Variants in KCNJ16 observed in about 807,000 individuals in gnomAD.
KCNJ16 encodes potassium inwardly rectifying channel subfamily J member 16, also known as inward rectifier potassium channel 16.
Under a neutral mutation model 18.5 loss-of-function variants are expected in KCNJ16, and 15 were observed. The ratio of observed to expected loss-of-function variants is 0.81; its 90% CI spans 0.54 to 1.25. The LOEUF is 1.25. Among genes scored for constraint, KCNJ16 ranks in the 50% most tolerant of loss-of-function variants. KCNJ16 has a pLI of 0.00. For missense variants in KCNJ16, 523 were observed against 525.7 expected (o/e 0.99, Z 0.05); for synonymous variants, 174 against 186.5 (o/e 0.93, Z 0.55).
chr17:70,102,857 C>T (rs571645243), intron 2 of KCNJ16, among the ~76,000 whole-genome samples: 1 of 152,210 alleles, frequency 6.6e-6, no homozygotes, highest in Non-Finnish European at 1.5e-5. Context: ...CATCACACTG[C>T]TAAATCCAAT....
chr17:70,131,910 A>C (rs1377489248), intron 3 of KCNJ16, 85 bp from the exon 4 acceptor site: 1 of 1,185,000 alleles, frequency 8.4e-7, no homozygotes, highest in Non-Finnish European at 1.2e-6. Context: ...TTTAGATGGT[A>C]TGACACTGCT....
intron 3 of KCNJ16, among the ~76,000 whole-genome samples, 178 bp downstream of exon 3, chr17:70,131,153 T>G (rs1035730661): frequency 6.7e-6 from 1 of 149,700 alleles, no homozygotes; most frequent in Non-Finnish European, 1.5e-5. Flanking sequence ...TGGCAAATTT[T>G]TGGGACTCTA....
intron 2 of KCNJ16, among the ~76,000 whole-genome samples, chr17:70,127,218 C>T (rs1030691296): frequency 6.6e-6 from 1 of 151,750 alleles, no homozygotes; most frequent in African/African-American, 2.4e-5. Flanking sequence ...TGTAGGACAC[C>T]CTGCTCTGGG....
intron 1 of KCNJ16, among the ~76,000 whole-genome samples, chr17:70,098,877 T>A (rs996969841): frequency 3.9e-5 from 6 of 152,178 alleles, no homozygotes; most frequent in African/African-American, 1.4e-4. Flanking sequence ...TAACATTTTT[T>A]AAAGACATTC....
At chr17:70,091,358 G>A (rs573894989) in intron 1 of KCNJ16, among the ~76,000 whole-genome samples, 1 of 152,218 alleles carries the variant, frequency 6.6e-6, no homozygotes, top group Non-Finnish European at 1.5e-5. Flanking sequence ...CTAACTTCCT[G>A]TGGACTACAA....
chr17:70,101,936 T>C (rs947170130), intron 2 of KCNJ16: 4 of 152,230 alleles, frequency 2.6e-5, no homozygotes, highest in Admixed American at 1.3e-4. Context: ...TTATATTTTC[T>C]ATAGTTTATG....
At chr17:70,103,296 G>GTGTGTGTATATATATA (rs1408960241) in intron 2 of KCNJ16, among the ~76,000 whole-genome samples, 1 of 72,050 alleles carries the variant, frequency 1.4e-5, no homozygotes, top group African/African-American at 4.4e-5. Context: ...ATGTGTGTGT[G>GTGTGTGTATATATATA]TATATATATA....
intron 1 of KCNJ16, among the ~76,000 whole-genome samples, chr17:70,077,330 T>C (rs1598073189): frequency 6.6e-6 from 1 of 152,180 alleles, no homozygotes; most frequent in African/African-American, 2.4e-5. Context: ...TGAGGAGTAT[T>C]GCGGATGACA....
chr17:70,126,085 T>TG (rs1303236409), intron 2 of KCNJ16, among the ~76,000 whole-genome samples: 1 of 152,040 alleles, frequency 6.6e-6, no homozygotes, highest in Non-Finnish European at 1.5e-5. Context: ...AAAAAAATCA[T>TG]GGGGGAGATG....
chr17:70,132,288 C>T lies in KCNJ16; in HGVS notation c.201C>T (p.Asp67=). The T allele has an allele frequency of 6.2e-7, 1 of 1,614,194 alleles. No homozygotes were observed. Among genetic ancestry groups the T allele is most frequent in the Non-Finnish European group, 8.5e-7 (1 of 1,180,022 alleles). The change falls in exon 4 of 4, where the codon GAC becomes GAT. Residue 67 remains aspartate, a synonymous_variant. Coordinates refer to ENST00000392671, the MANE Select transcript of KCNJ16 (RefSeq NM_170741.4). ...YVVDIFTTLV[D]TKWRHMFVIF... ...TTGACATCTTCACCACTCTTGTGGA[C>T]ACCAAGTGGCGCCATATGTTTGTGA...
chr17:70,104,505 G>A (rs1057397408), intron 2 of KCNJ16, among the ~76,000 whole-genome samples: 2 of 152,198 alleles, frequency 1.3e-5, no homozygotes, highest in African/African-American at 2.4e-5. Flanking sequence ...CAGACAAAGT[G>A]TGCATTTGCA....
chr17:70,087,113 G>C (rs925471974), intron 1 of KCNJ16, among the ~76,000 whole-genome samples: 1 of 147,358 alleles, frequency 6.8e-6, no homozygotes, highest in Non-Finnish European at 1.5e-5. Context: ...TCTCCATGTT[G>C]GTCAGGCTGG....
chr17:70,121,235 T>C (rs1206990632), intron 2 of KCNJ16, among the ~76,000 whole-genome samples: 2 of 152,238 alleles, frequency 1.3e-5, no homozygotes, highest in Non-Finnish European at 2.9e-5. Context: ...TGCCTGCATC[T>C]GTTGTCCCAC....
intron 2 of KCNJ16, among the ~76,000 whole-genome samples, chr17:70,121,385 A>C (rs1439164435): frequency 2.6e-5 from 4 of 152,164 alleles, no homozygotes; most frequent in Non-Finnish European, 4.4e-5. Flanking sequence ...CATTTACAGA[A>C]ACAACTCAAT....
intron 1 of KCNJ16, among the ~76,000 whole-genome samples, chr17:70,097,356 G>T (rs1171142060): frequency 1.3e-5 from 2 of 152,030 alleles, no homozygotes; most frequent in Non-Finnish European, 2.9e-5. Context: ...GCCATTTAGG[G>T]GTCTAACTAG....
At chr17:70,125,996 G>T (rs2073842495) in intron 2 of KCNJ16, among the ~76,000 whole-genome samples, 1 of 151,962 alleles carries the variant, frequency 6.6e-6, no homozygotes. Flanking sequence ...CTATAGACGG[G>T]GCAGAGCATT....
In KCNJ16 at chr17:70,133,516, G is replaced by C; in HGVS notation, c.*172G>C. The C allele has an allele frequency of 1.7e-6, 1 of 576,246 alleles. No individual in the cohort carries two copies. The allele number at this position is 576,246 out of a possible 1,614,324, so 35.7% of individuals were successfully genotyped here. ...TAATCTAAAAATTCCATAGTTCTCAGTTATTAAAATTTTTCTTGTTCGCCA... is the reference window on the plus strand; with the variant it reads ...TAATCTAAAAATTCCATAGTTCTCACTTATTAAAATTTTTCTTGTTCGCCA... On this transcript the variant is annotated 3_prime_UTR_variant, in exon 4 of 4. Transcript: ENST00000392671.
intron 2 of KCNJ16, chr17:70,108,175 G>C (rs1345324738): frequency 6.6e-6 from 1 of 152,184 alleles, no homozygotes; most frequent in Non-Finnish European, 1.5e-5. Context: ...GCCATGTTTT[G>C]ACTATCTCAG....
chr17:70,122,375 C>T (rs1598169440), intron 2 of KCNJ16, among the ~76,000 whole-genome samples: 1 of 152,194 alleles, frequency 6.6e-6, no homozygotes, highest in African/African-American at 2.4e-5. Flanking sequence ...TGTGGTTTCA[C>T]CATGTTGGCC....
Sources: gnomAD v4.1 joint callset for allele counts (sites outside exome capture counted in the v4.1 genomes callset) on GRCh38, gnomAD v4.1.1 for gene constraint, MANE v1.5 for transcripts, NCBI Gene and HGNC (gene_info 2026-07-23, HGNC 2026-07-21) for gene names.